ZNF728: variants seen among roughly 807,000 people sequenced by gnomAD.
ZNF728 encodes zinc finger protein 728.
ZNF728 carries 12 observed loss-of-function variants against 12.5 expected under a neutral mutation model. The ratio of observed to expected loss-of-function variants is 0.96; its 90% CI spans 0.61 to 1.55. The LOEUF is 1.55. ZNF728 is among the 40% of genes most tolerant of loss of function. The pLI is 0.00. For missense variants in ZNF728, 692 were observed against 719.2 expected, an observed-to-expected ratio of 0.96 and a Z score of 0.43; for synonymous variants, 205 against 240.7, an observed-to-expected ratio of 0.85 and a Z score of 1.37.
chr19:22,978,413 A>G (rs1246149934), intron 3 of ZNF728, among the ~76,000 whole-genome samples: 4 of 152,226 alleles, frequency 2.6e-5, no homozygotes, highest in Non-Finnish European at 5.9e-5. Flanking sequence ...GTATATCGGC[A>G]CTGCATATGT....
intron 3 of ZNF728, among the ~76,000 whole-genome samples, chr19:22,977,343 G>C (rs1968818104): frequency 6.6e-6 from 1 of 152,062 alleles, no homozygotes. Context: ...CCAATGCAAA[G>C]AGCCACATAG....
At chr19:22,984,718 T>C (rs1166786276) in intron 3 of ZNF728, among the ~76,000 whole-genome samples, 1 of 152,108 alleles carries the variant, frequency 6.6e-6, no homozygotes, top group Non-Finnish European at 1.5e-5. Flanking sequence ...CAATGTAATC[T>C]ACAAATTTAA....
chr19:22,993,922 A>G (rs1472225376), intron 1 of ZNF728, among the ~76,000 whole-genome samples: 1 of 152,088 alleles, frequency 6.6e-6, no homozygotes, highest in Non-Finnish European at 1.5e-5. Flanking sequence ...AATTCTCAAG[A>G]CCTAGATTTA....
At chr19:22,992,632 G>A (rs116514392) in intron 1 of ZNF728, among the ~76,000 whole-genome samples, 2,303 of 152,040 alleles carry the variant, frequency 0.015, 55 homozygotes, top group African/African-American at 0.05. Flanking sequence ...TCTGAGCCTC[G>A]AGACCTCCTG....
At chr19:22,998,014 TCAAC>T (rs142008695) in intron 1 of ZNF728, among the ~76,000 whole-genome samples, 3,221 of 152,288 alleles carry the variant, frequency 0.021, 71 homozygotes, top group East Asian at 0.12. Flanking sequence ...TTATTATAAT[TCAAC>T]CATTGTGAAA....
intron 3 of ZNF728, among the ~76,000 whole-genome samples, chr19:22,984,703 C>T (rs1388246407): frequency 6.6e-6 from 1 of 151,778 alleles, no homozygotes; most frequent in African/African-American, 2.4e-5. Context: ...GATGTTCATC[C>T]TGGTCAATGT....
intron 1 of ZNF728, among the ~76,000 whole-genome samples, chr19:22,997,219 G>A (rs566108062): frequency 7.2e-5 from 11 of 152,070 alleles, no homozygotes; most frequent in East Asian, 1.9e-4. Flanking sequence ...TCATCACCAC[G>A]TGGCACATAC....
chr19:22,986,209 A>G (rs1215583087), intron 3 of ZNF728, among the ~76,000 whole-genome samples: 2 of 152,122 alleles, frequency 1.3e-5, no homozygotes, highest in African/African-American at 4.8e-5. Context: ...TGAGACACCA[A>G]TGGAAAAGTA....
chr19:22,977,485 T>C (rs1287332381), intron 3 of ZNF728, among the ~76,000 whole-genome samples: 1 of 152,062 alleles, frequency 6.6e-6, no homozygotes. Flanking sequence ...GCACATACAA[T>C]TTAATTTCTG....
chr19:22,975,152 T>C lies in ZNF728; in HGVS notation c.*316A>G, dbSNP rs1291608137. ...ACATCTTTCAGGTTTGCAGTTTCTC[T>C]CTAGTATGAATTAGCTTATGTCTGT... On this transcript the variant is annotated 3_prime_UTR_variant, in exon 4 of 4. Coordinates refer to ENST00000594710, the MANE Select transcript of ZNF728 (RefSeq NM_001267716.2). Among the ~76,000 whole-genome samples, 1 of 152,218 alleles carries C rather than the reference T, an allele frequency of 6.6e-6. No individual in the cohort carries two copies. The highest frequency in any genetic ancestry group is 2.4e-5 in the African/African-American group (1 of 41,466).
chr19:22,993,126 C>T (rs900442232), intron 1 of ZNF728, among the ~76,000 whole-genome samples: 4 of 152,202 alleles, frequency 2.6e-5, no homozygotes, highest in African/African-American at 9.6e-5. Flanking sequence ...ATTCTGCCAT[C>T]AGATTCTATT....
Position 22,976,879 on chromosome 19 carries a change from A to T in ZNF728, c.458T>A (p.Ile153Asn), listed in dbSNP as rs752568479. 1 of 1,613,436 alleles carries T rather than the reference A, an allele frequency of 6.2e-7. No individual in the cohort carries two copies. Among genetic ancestry groups the T allele is most frequent in the East Asian group, 2.2e-5 (1 of 44,818 alleles). Residue 153 changes from isoleucine to asparagine, a missense_variant, in exon 4 of 4, where the codon ATC becomes AAC. Transcript: ENST00000594710. ...TTTTGAATTTGAACATTTATGAAAG[A>T]TGTTTGCATATTTGCCACATTGAAA... ...KVFQCGKYANIFHKCSNSKRH... is the reference protein window; with the variant it reads ...KVFQCGKYANNFHKCSNSKRH...
chr19:23,002,832 G>A (rs1363348719), intron 1 of ZNF728, among the ~76,000 whole-genome samples, 196 bp downstream of exon 1: 6 of 152,198 alleles, frequency 3.9e-5, no homozygotes, highest in African/African-American at 7.2e-5. Flanking sequence ...GGAAAAGACA[G>A]GACGCCCGGG....
At chr19:22,983,009 C>T (rs753021504) in intron 3 of ZNF728, among the ~76,000 whole-genome samples, 8 of 151,852 alleles carry the variant, frequency 5.3e-5, no homozygotes, top group South Asian at 4.2e-4. Flanking sequence ...AATTGACAAA[C>T]GGGACCTAAT....
intron 1 of ZNF728, among the ~76,000 whole-genome samples, chr19:22,999,289 G>A (rs1969082160): frequency 6.6e-6 from 1 of 151,462 alleles, no homozygotes; most frequent in African/African-American, 2.4e-5. Flanking sequence ...CATCTAACTG[G>A]TTTATTTTAA....
intron 1 of ZNF728, among the ~76,000 whole-genome samples, chr19:23,002,220 C>A (rs1969120780): frequency 6.6e-6 from 1 of 152,174 alleles, no homozygotes; most frequent in South Asian, 2.1e-4. Context: ...GAGGCTAAGG[C>A]AGGAGAATCG....
chr19:22,978,420 A>C (rs1274559011), intron 3 of ZNF728, among the ~76,000 whole-genome samples: 1 of 152,256 alleles, frequency 6.6e-6, no homozygotes, highest in Non-Finnish European at 1.5e-5. Flanking sequence ...GGCACTGCAT[A>C]TGTCTTCCAT....
chr19:22,993,348 A>G (rs974601318), intron 1 of ZNF728, among the ~76,000 whole-genome samples: 2 of 152,228 alleles, frequency 1.3e-5, no homozygotes, highest in Non-Finnish European at 2.9e-5. Context: ...TCTTATTTGC[A>G]GATTCTAGGT....
chr19:23,002,948 T>C (rs1429776642), intron 1 of ZNF728, 80 bp downstream of exon 1: 31 of 1,565,084 alleles, frequency 2.0e-5, no homozygotes, highest in Non-Finnish European at 2.5e-5. Context: ...AGAGGAGGCC[T>C]GAGTCCCGCC....
Sources: gnomAD v4.1 joint callset for allele counts (sites outside exome capture counted in the v4.1 genomes callset) on GRCh38, gnomAD v4.1.1 for gene constraint, MANE v1.5 for transcripts, NCBI Gene and HGNC (gene_info 2026-07-23, HGNC 2026-07-21) for gene names.